SLC39A9: variants seen among roughly 807,000 people sequenced by gnomAD.
SLC39A9 encodes solute carrier family 39 member 9, also known as zinc transporter ZIP9.
Under a neutral mutation model 28.4 loss-of-function variants are expected in SLC39A9, and 14 were observed. The ratio of observed to expected loss-of-function variants is 0.49; its 90% CI spans 0.33 to 0.77. SLC39A9 has a LOEUF of 0.77. Among genes scored for constraint, SLC39A9 ranks in the 30% least tolerant of loss-of-function variants. The probability of loss-of-function intolerance (pLI) is 0.02; values close to 1 mark genes in which losing one functional copy is unlikely to be tolerated. For missense variants in SLC39A9, 283 were observed against 381.1 expected, an observed-to-expected ratio of 0.74 and a Z score of 2.14; for synonymous variants, 119 against 149.6, an observed-to-expected ratio of 0.80 and a Z score of 1.49.
At chr14:69,445,291 A>G (rs12893282) in intron 3 of SLC39A9, among the ~76,000 whole-genome samples, 70,789 of 151,688 alleles carry the variant, frequency 0.47, 16,714 homozygotes, top group Middle Eastern at 0.59. Flanking sequence ...CAGCAAGACC[A>G]ACCCCTCCTC....
At position 69,425,149 on chromosome 14, in the gene SLC39A9, G is replaced by A. The variant is rs1195042991; in HGVS notation, c.205+947G>A. Among the ~76,000 whole-genome samples the A allele has an allele frequency of 2.0e-5, 3 of 152,168 alleles. No homozygotes were observed. In the East Asian group the frequency reaches 5.8e-4, roughly 29 times the overall value. ...ACAGTAATAAATCAGGAGCCTTAAA[G>A]CAGTGGTCTCTACTTTTTTTATGGT... On this transcript the variant is annotated intron_variant, in intron 2 of 6. Transcript: ENST00000336643.
intron 2 of SLC39A9, among the ~76,000 whole-genome samples, chr14:69,426,264 C>T (rs1469461747): frequency 6.6e-6 from 1 of 152,198 alleles, no homozygotes; most frequent in Non-Finnish European, 1.5e-5. Context: ...AAGCCTGGGC[C>T]TCTGGAACTT....
chr14:69,419,298 T>C (rs1458795980), intron 1 of SLC39A9, among the ~76,000 whole-genome samples: 1 of 152,238 alleles, frequency 6.6e-6, no homozygotes, highest in Non-Finnish European at 1.5e-5. Context: ...AGTTTCCATG[T>C]AGTTGTGCGG....
At position 69,460,313 on chromosome 14, in the gene SLC39A9, C is replaced by A; in HGVS notation, c.*1720C>A. Reference sequence around the variant, plus strand: ...ATAAAGCTTGTGAGCCCTCTGCTGGCCACAGTGAGGAAAGTAGCACAAATA... The same window carrying A: ...ATAAAGCTTGTGAGCCCTCTGCTGGACACAGTGAGGAAAGTAGCACAAATA... On this transcript the variant is annotated 3_prime_UTR_variant, in exon 7 of 7. Transcript: ENST00000336643. The A allele has an allele frequency of 1.0e-6, 1 of 985,638 alleles. No homozygotes were observed. Among genetic ancestry groups the A allele is most frequent in the Non-Finnish European group, 1.2e-6 (1 of 829,932 alleles). 61.1% of individuals were successfully genotyped at this position (985,638 alleles called of 1,614,324 possible).
Position 69,398,867 on chromosome 14 carries a change from TC to T in SLC39A9, c.-500del, listed in dbSNP as rs989672446. 13 of 199,234 alleles carry T rather than the reference TC, an allele frequency of 6.5e-5. No homozygotes were observed. Among genetic ancestry groups the T allele is most frequent in the Non-Finnish European group, 8.2e-5 (8 of 98,010 alleles). 12.3% of individuals were successfully genotyped at this position (199,234 alleles called of 1,614,324 possible). ...GAGACCTGCAGGACTCCTTTCCTCATCCCAGGCTCGGAGGAGAGTTTGCTGG... is the reference window on the plus strand; with the variant it reads ...GAGACCTGCAGGACTCCTTTCCTCATCCAGGCTCGGAGGAGAGTTTGCTGG... On this transcript the variant is annotated 5_prime_UTR_variant, in exon 1 of 7. Transcript: ENST00000336643.
chr14:69,440,051 G>C (rs1884967668), intron 2 of SLC39A9, among the ~76,000 whole-genome samples: 1 of 152,206 alleles, frequency 6.6e-6, no homozygotes. Context: ...AAGCAAAGGG[G>C]AAGCAAGGCA....
chr14:69,442,183 A>G lies in SLC39A9; in HGVS notation c.320A>G (p.Tyr107Cys), dbSNP rs376445065. 3.3e-5 allele frequency: 53 copies of G among 1,614,186 alleles called. No homozygotes were observed. Among genetic ancestry groups the G allele is most frequent in the Middle Eastern group, 1.6e-4 (1 of 6,062 alleles). ...CACGACCACACACAGCTGCATGCCTATATTGGTGTTTCCCTCGTTCTGGGC... is the reference window on the plus strand; with the variant it reads ...CACGACCACACACAGCTGCATGCCTGTATTGGTGTTTCCCTCGTTCTGGGC... ...HSHDHTQLHA[Y>C]IGVSLVLGFV... The change falls in exon 3 of 7, where the codon TAT becomes TGT. Residue 107 changes from tyrosine to cysteine, a missense_variant. By Grantham distance (194) the Tyr-to-Cys change is radical. Coordinates refer to ENST00000336643, the MANE Select transcript of SLC39A9 (RefSeq NM_018375.5).
chr14:69,434,006 A>G (rs1481576246), intron 2 of SLC39A9, among the ~76,000 whole-genome samples: 1 of 151,858 alleles, frequency 6.6e-6, no homozygotes, highest in Non-Finnish European at 1.5e-5. Flanking sequence ...GCTGGTCTCA[A>G]GCTCCTGGCC....
At chr14:69,440,824 C>T (rs1376574487) in intron 2 of SLC39A9, among the ~76,000 whole-genome samples, 1 of 152,162 alleles carries the variant, frequency 6.6e-6, no homozygotes, top group Non-Finnish European at 1.5e-5. Flanking sequence ...CAGGCACGCG[C>T]CACCGTGCCC....
intron 6 of SLC39A9, among the ~76,000 whole-genome samples, chr14:69,456,115 G>A (rs1477317835): frequency 6.6e-6 from 1 of 152,030 alleles, no homozygotes; most frequent in Non-Finnish European, 1.5e-5. Flanking sequence ...ATATGATAGC[G>A]CTTCAATATT....
chr14:69,441,807 A>G (rs1370828706), intron 2 of SLC39A9: 16 of 1,169,978 alleles, frequency 1.4e-5, no homozygotes, highest in Non-Finnish European at 1.6e-5. Flanking sequence ...GCTTTCTTGC[A>G]TGGTGATTTG....
At position 69,459,355 on chromosome 14, in the gene SLC39A9, A is replaced by G; in HGVS notation, c.*762A>G. 9.1e-6 allele frequency: 9 copies of G among 985,386 alleles called. No homozygotes were observed. Among genetic ancestry groups the G allele is most frequent in the Non-Finnish European group, 1.1e-5 (9 of 829,922 alleles). 61.0% of individuals were successfully genotyped at this position (985,386 alleles called of 1,614,324 possible). On this transcript the variant is annotated 3_prime_UTR_variant, in exon 7 of 7. Coordinates refer to ENST00000336643, the MANE Select transcript of SLC39A9 (RefSeq NM_018375.5). Reference sequence around the variant, plus strand: ...TTCCTTGTCAAGTTCTCCTTTGCAGAATACCTGTCTCCACATTCCTAGAGA... The same window carrying G: ...TTCCTTGTCAAGTTCTCCTTTGCAGGATACCTGTCTCCACATTCCTAGAGA...
At chr14:69,444,258 A>G (rs1436485837) in intron 3 of SLC39A9, among the ~76,000 whole-genome samples, 1 of 152,160 alleles carries the variant, frequency 6.6e-6, no homozygotes, top group African/African-American at 2.4e-5. Context: ...CATTTTTTTC[A>G]AGTTAAAGTC....
chr14:69,411,436 G>T (rs1883259997), intron 1 of SLC39A9, among the ~76,000 whole-genome samples: 1 of 152,130 alleles, frequency 6.6e-6, no homozygotes, highest in South Asian at 2.1e-4. Context: ...CAGTCAGGCT[G>T]CAACTGTGAA....
rs1381792444 is a variant in SLC39A9, at chr14:69,461,691, T to C, written c.*3098T>C. The C allele has an allele frequency of 1.3e-5, 20 of 1,535,902 alleles. No individual in the cohort carries two copies. Among genetic ancestry groups the C allele is most frequent in the Admixed American group, 5.9e-5 (3 of 50,986 alleles). On this transcript the variant is annotated 3_prime_UTR_variant, in exon 7 of 7. Transcript: ENST00000336643. ...GTGTCACTGCCTGGTTTTTCTCTTT[T>C]TCAAGGATTAGAACTAAGAGGACAC... is the stretch of plus-strand genomic sequence containing the variant.
chr14:69,404,174 T>C (rs989572718), intron 1 of SLC39A9, among the ~76,000 whole-genome samples: 2 of 152,206 alleles, frequency 1.3e-5, no homozygotes, highest in African/African-American at 4.8e-5. Flanking sequence ...TGCAGTGAGC[T>C]ATGAGTGTGC....
intron 3 of SLC39A9, among the ~76,000 whole-genome samples, chr14:69,446,447 A>G (rs1307497374): frequency 6.6e-6 from 1 of 151,904 alleles, no homozygotes; most frequent in Non-Finnish European, 1.5e-5. Context: ...TGAAAAAAAC[A>G]GAAGGAAGGA....
chr14:69,440,582 T>C (rs995269237), intron 2 of SLC39A9, among the ~76,000 whole-genome samples: 1 of 152,060 alleles, frequency 6.6e-6, no homozygotes, highest in Non-Finnish European at 1.5e-5. Flanking sequence ...CATACCTGTC[T>C]CAAAAAGAAA....
At chr14:69,413,421 A>G (rs1883389299) in intron 1 of SLC39A9, among the ~76,000 whole-genome samples, 1 of 152,190 alleles carries the variant, frequency 6.6e-6, no homozygotes, top group African/African-American at 2.4e-5. Context: ...TTTGCCATGT[A>G]AGGACACTAA....
Sources: gnomAD v4.1 joint callset for allele counts (sites outside exome capture counted in the v4.1 genomes callset) on GRCh38, gnomAD v4.1.1 for gene constraint, MANE v1.5 for transcripts, NCBI Gene and HGNC (gene_info 2026-07-23, HGNC 2026-07-21) for gene names.